Variants in SCHIP1 observed in about 807,000 individuals in gnomAD.
SCHIP1 encodes schwannomin interacting protein 1, also known as schwannomin-interacting protein 1.
Under a neutral mutation model 29.7 loss-of-function variants are expected in SCHIP1, and 8 were observed. That is an observed-to-expected ratio of 0.27 (90% CI 0.16 to 0.49). SCHIP1 has a LOEUF of 0.49. SCHIP1 is among the 20% of genes least tolerant of loss of function. The pLI, the probability that SCHIP1 is intolerant of heterozygous loss-of-function variation, is 0.99. For missense variants in SCHIP1, 193 were observed against 294.6 expected, an observed-to-expected ratio of 0.66 and a Z score of 2.52; for synonymous variants, 76 against 94.9, an observed-to-expected ratio of 0.80 and a Z score of 1.16.
chr3:159,396,667 G>T, the SCHIP1 span, among the ~76,000 whole-genome samples: 1 of 152,208 alleles, frequency 6.6e-6, no homozygotes, highest in Non-Finnish European at 1.5e-5. Flanking sequence ...CCTCTGGCTT[G>T]TAGAGTTTCT....
At chr3:159,671,856 C>G in the SCHIP1 span, among the ~76,000 whole-genome samples, 1 of 152,134 alleles carries the variant, frequency 6.6e-6, no homozygotes, top group Non-Finnish European at 1.5e-5. Flanking sequence ...CTGAGAAATG[C>G]GAGAACCCAG....
At chr3:159,503,234 CAT>C in the SCHIP1 span, among the ~76,000 whole-genome samples, 2 of 152,120 alleles carry the variant, frequency 1.3e-5, no homozygotes, top group Non-Finnish European at 2.9e-5. Context: ...GGCATGGTGA[CAT>C]GTCTTTTTTG....
chr3:159,687,276 A>G, the SCHIP1 span, among the ~76,000 whole-genome samples: 2 of 151,766 alleles, frequency 1.3e-5, no homozygotes, highest in African/African-American at 4.8e-5. Flanking sequence ...TCCTCTCCCC[A>G]CCAAGACTCA....
chr3:159,831,708 T>G, the SCHIP1 span, among the ~76,000 whole-genome samples: 2 of 152,064 alleles, frequency 1.3e-5, no homozygotes, highest in Admixed American at 6.6e-5. Context: ...GTGTCCACAG[T>G]GTGGATATGC....
chr3:159,855,715 A>G (rs1713270445), intron 1 of SCHIP1, among the ~76,000 whole-genome samples: 1 of 152,158 alleles, frequency 6.6e-6, no homozygotes, highest in Admixed American at 6.5e-5. Context: ...GTCAATTGTC[A>G]AAAACAATTA....
At chr3:159,317,142 A>G in the SCHIP1 span, among the ~76,000 whole-genome samples, 13 of 152,294 alleles carry the variant, frequency 8.5e-5, no homozygotes, top group East Asian at 1.2e-3. Context: ...GAGACGCCCT[A>G]ATGGATCTCC....
chr3:159,663,724 A>C, the SCHIP1 span, among the ~76,000 whole-genome samples: 21 of 152,318 alleles, frequency 1.4e-4, no homozygotes, highest in Admixed American at 1.4e-3. Flanking sequence ...AAAGTCTTTC[A>C]AATATTATTT....
the SCHIP1 span, among the ~76,000 whole-genome samples, chr3:159,479,035 A>C: frequency 1.3e-5 from 2 of 152,120 alleles, no homozygotes; most frequent in African/African-American, 4.8e-5. Flanking sequence ...CTTTCCTATA[A>C]AAATGTCTTT....
the SCHIP1 span, among the ~76,000 whole-genome samples, chr3:159,638,371 G>A: frequency 6.6e-6 from 1 of 152,134 alleles, no homozygotes; most frequent in Non-Finnish European, 1.5e-5. Context: ...GAGATCAAGG[G>A]TCTTATTAAT....
chr3:159,625,956 C>T, the SCHIP1 span, among the ~76,000 whole-genome samples: 1 of 151,698 alleles, frequency 6.6e-6, no homozygotes, highest in Non-Finnish European at 1.5e-5. Flanking sequence ...TGCTGTTAAA[C>T]CAATACTGGG....
chr3:159,814,532 G>C, the SCHIP1 span, among the ~76,000 whole-genome samples: 4 of 152,368 alleles, frequency 2.6e-5, no homozygotes, highest in South Asian at 8.3e-4. Context: ...CAAAAGAAAA[G>C]GGCAATGGTG....
chr3:159,694,588 G>T, the SCHIP1 span, among the ~76,000 whole-genome samples: 3 of 145,120 alleles, frequency 2.1e-5, no homozygotes, highest in Non-Finnish European at 4.6e-5. Context: ...AAGAAAGAAA[G>T]AAAGAAAGAA....
the SCHIP1 span, among the ~76,000 whole-genome samples, chr3:159,471,830 T>C: frequency 6.6e-6 from 1 of 152,166 alleles, no homozygotes; most frequent in Non-Finnish European, 1.5e-5. Context: ...ACCATTTTAA[T>C]ATGGTAAATA....
chr3:159,389,835 A>G, the SCHIP1 span, among the ~76,000 whole-genome samples: 1 of 152,028 alleles, frequency 6.6e-6, no homozygotes. Context: ...TTTTCATTCT[A>G]TTAAGTAAGC....
chr3:159,582,588 A>G, the SCHIP1 span, among the ~76,000 whole-genome samples: 2 of 152,128 alleles, frequency 1.3e-5, no homozygotes, highest in African/African-American at 2.4e-5. Context: ...AAGTACGTAC[A>G]TTAGGTTTTT....
At chr3:159,728,007 T>TG in the SCHIP1 span, among the ~76,000 whole-genome samples, 101 of 147,588 alleles carry the variant, frequency 6.8e-4, 1 homozygote, top group Non-Finnish European at 1.1e-3. Context: ...TTTTTGTTTT[T>TG]TTTTTTTTTA....
the SCHIP1 span, among the ~76,000 whole-genome samples, chr3:159,334,703 T>C: frequency 5.3e-5 from 8 of 152,196 alleles, no homozygotes; most frequent in Non-Finnish European, 7.3e-5. Context: ...ATTCACATTG[T>C]TGCATACACC....
At chr3:159,460,987 C>A in the SCHIP1 span, among the ~76,000 whole-genome samples, 42 of 152,184 alleles carry the variant, frequency 2.8e-4, 1 homozygote, top group African/African-American at 9.9e-4. Flanking sequence ...ATGGACCTTT[C>A]ACAACTTGAC....
the SCHIP1 span, among the ~76,000 whole-genome samples, chr3:159,732,545 T>G: frequency 6.6e-6 from 1 of 151,898 alleles, no homozygotes; most frequent in Admixed American, 6.6e-5. Context: ...GAAGTTTGAG[T>G]TGAAGGAAAA....
Sources: allele counts gnomAD v4.1 joint callset (sites outside exome capture counted in the v4.1 genomes callset), GRCh38; gene constraint gnomAD v4.1.1; transcripts MANE v1.5; gene names NCBI Gene and HGNC (gene_info 2026-07-23, HGNC 2026-07-21).